Variants in DPP10 observed in about 807,000 individuals in gnomAD.
DPP10 encodes the protein inactive dipeptidyl peptidase 10.
DPP10 carries 33 observed loss-of-function variants against 120.9 expected under a neutral mutation model. The observed-to-expected ratio is 0.27, with a 90% confidence interval of 0.21 to 0.37. DPP10 has a LOEUF of 0.37. DPP10 is among the 10% of genes least tolerant of loss of function. The probability of loss-of-function intolerance (pLI) is 1.00; values close to 1 mark genes in which losing one functional copy is unlikely to be tolerated. For synonymous variants in DPP10, 337 were observed against 326.1 expected, an observed-to-expected ratio of 1.03 and a Z score of -0.36; for missense variants, 816 against 942.8, an observed-to-expected ratio of 0.87 and a Z score of 1.76.
intron 1 of DPP10, among the ~76,000 whole-genome samples, chr2:114,899,707 C>T (rs995586475): frequency 2.4e-4 from 37 of 152,208 alleles, no homozygotes; most frequent in African/African-American, 8.4e-4. Context: ...CCTGTAATCC[C>T]AGCACTTTGG....
At chr2:114,951,147 G>A (rs537612352) in intron 1 of DPP10, among the ~76,000 whole-genome samples, 5 of 152,122 alleles carry the variant, frequency 3.3e-5, no homozygotes, top group South Asian at 4.1e-4. Flanking sequence ...ATTAGAAAGC[G>A]TGCCTTCATA....
chr2:115,709,564 C>G (rs1311291819), intron 7 of DPP10, among the ~76,000 whole-genome samples: 2 of 151,252 alleles, frequency 1.3e-5, no homozygotes, highest in Non-Finnish European at 2.9e-5. Flanking sequence ...TAGACAGATA[C>G]ACGAAGAATA....
intron 5 of DPP10, among the ~76,000 whole-genome samples, chr2:115,578,031 T>C (rs1488665163): frequency 6.6e-6 from 1 of 152,136 alleles, no homozygotes; most frequent in Admixed American, 6.6e-5. Context: ...AGTCATAACT[T>C]TATCTATTAA....
chr2:115,570,503 C>T (rs1299153914), intron 5 of DPP10, among the ~76,000 whole-genome samples: 2 of 152,164 alleles, frequency 1.3e-5, no homozygotes, highest in East Asian at 3.9e-4. Flanking sequence ...TCATTCTGTG[C>T]TCACATGTTT....
At chr2:115,750,189 T>C (rs754513910) in intron 10 of DPP10, 46 of 984,672 alleles carry the variant, frequency 4.7e-5, no homozygotes, top group Non-Finnish European at 5.5e-5. Flanking sequence ...GTGTGACATT[T>C]CCAGGTAAGG....
chr2:115,502,857 C>T (rs1028811284), intron 4 of DPP10, among the ~76,000 whole-genome samples: 1 of 110,302 alleles, frequency 9.1e-6, no homozygotes, highest in Admixed American at 1.1e-4. Flanking sequence ...CCAGGCTCGG[C>T]TAATTTTTTA....
chr2:114,746,048 C>T (rs1678549262), intron 1 of DPP10, among the ~76,000 whole-genome samples: 1 of 152,220 alleles, frequency 6.6e-6, no homozygotes, highest in South Asian at 2.1e-4. Flanking sequence ...TTCTTGACTA[C>T]TTTTGTGCCA....
At chr2:115,021,839 T>C (rs192050307) in intron 1 of DPP10, among the ~76,000 whole-genome samples, 1 of 152,148 alleles carries the variant, frequency 6.6e-6, no homozygotes, top group Non-Finnish European at 1.5e-5. Context: ...ATACCAGGGA[T>C]GCAGGAATGG....
chr2:115,251,651 G>A (rs2058757187), intron 1 of DPP10, among the ~76,000 whole-genome samples: 1 of 152,066 alleles, frequency 6.6e-6, no homozygotes, highest in Admixed American at 6.5e-5. Flanking sequence ...AGAATTATTT[G>A]CAATGTCAAG....
intron 12 of DPP10, among the ~76,000 whole-genome samples, chr2:115,764,811 A>G (rs866643199): frequency 5.9e-5 from 9 of 152,136 alleles, no homozygotes; most frequent in African/African-American, 1.2e-4. Flanking sequence ...GTTATATGAA[A>G]TTTAATGTAT....
At chr2:114,582,126 ACC>A (rs1690577874) in intron 1 of DPP10, among the ~76,000 whole-genome samples, 1 of 152,002 alleles carries the variant, frequency 6.6e-6, no homozygotes, top group Non-Finnish European at 1.5e-5. Flanking sequence ...ATCCCTCCTT[ACC>A]CTCAACCCCT....
chr2:115,038,167 G>C (rs1266330926), intron 1 of DPP10, among the ~76,000 whole-genome samples: 1 of 152,046 alleles, frequency 6.6e-6, no homozygotes, highest in Non-Finnish European at 1.5e-5. Context: ...AATATGAATT[G>C]ATACAAATAC....
intron 1 of DPP10, among the ~76,000 whole-genome samples, chr2:115,028,164 T>G (rs916891316): frequency 1.3e-5 from 2 of 152,090 alleles, no homozygotes; most frequent in Non-Finnish European, 2.9e-5. Flanking sequence ...TATTATTGCT[T>G]TGTCAGTTCC....
chr2:115,313,570 T>G (rs569735249), intron 2 of DPP10, among the ~76,000 whole-genome samples: 1 of 152,204 alleles, frequency 6.6e-6, no homozygotes, highest in African/African-American at 2.4e-5. Context: ...AGAAATGTTT[T>G]AGAAACTGTT....
chr2:115,373,073 G>A (rs1380843564), intron 3 of DPP10, among the ~76,000 whole-genome samples: 2 of 152,180 alleles, frequency 1.3e-5, no homozygotes, highest in Non-Finnish European at 2.9e-5. Context: ...AGCCACAGGA[G>A]GGTTGCCTAA....
chr2:114,825,521 A>G (rs918609164), intron 1 of DPP10, among the ~76,000 whole-genome samples: 1 of 152,204 alleles, frequency 6.6e-6, no homozygotes, highest in Non-Finnish European at 1.5e-5. Context: ...AATATTTTCT[A>G]AACATAAAGA....
At chr2:115,110,766 AT>A (rs2049175109) in intron 1 of DPP10, among the ~76,000 whole-genome samples, 1 of 151,978 alleles carries the variant, frequency 6.6e-6, no homozygotes, top group African/African-American at 2.4e-5. Context: ...TTAAATAAAT[AT>A]TTTGATTTTT....
intron 1 of DPP10, among the ~76,000 whole-genome samples, chr2:114,845,986 G>A (rs1688518872): frequency 6.6e-6 from 1 of 151,892 alleles, no homozygotes. Flanking sequence ...ACTTACTGCA[G>A]ATTTTTTTTT....
chr2:115,807,938 A>G (rs185954814), intron 19 of DPP10, among the ~76,000 whole-genome samples: 1 of 152,156 alleles, frequency 6.6e-6, no homozygotes, highest in Non-Finnish European at 1.5e-5. Flanking sequence ...GAACAGACCC[A>G]CATATGAATA....
Sources: allele counts gnomAD v4.1 joint callset (sites outside exome capture counted in the v4.1 genomes callset), GRCh38; gene constraint gnomAD v4.1.1; transcripts MANE v1.5; gene names NCBI Gene and HGNC (gene_info 2026-07-23, HGNC 2026-07-21).